DORIP1: variants seen among roughly 807,000 people sequenced by gnomAD.
The protein encoded by DORIP1 is dopamine receptor-interacting protein 1.
At chr14:44,904,924 G>C in the DORIP1 span, 2 of 172,148 alleles carry the variant, frequency 1.2e-5, no homozygotes, top group African/African-American at 4.7e-5. Flanking sequence ...CATAATACTG[G>C]ATAGTATAAT....
At chr14:44,902,832 T>G in the DORIP1 span, among the ~76,000 whole-genome samples, 1 of 152,338 alleles carries the variant, frequency 6.6e-6, no homozygotes, top group Non-Finnish European at 1.5e-5. Context: ...ATCAGGTACT[T>G]GAGGCCAAGA....
chr14:44,897,568 G>C, the DORIP1 span: 1 of 174,766 alleles, frequency 5.7e-6, no homozygotes, highest in African/African-American at 2.4e-5. Flanking sequence ...TCCCCAGGGA[G>C]GTACGAGGAG....
chr14:44,903,454 T>G, the DORIP1 span: 79 of 1,366,230 alleles, frequency 5.8e-5, 1 homozygote, highest in Non-Finnish European at 7.5e-5. Context: ...ACATAGAATA[T>G]GGTACTACAG....
chr14:44,901,422 G>C, the DORIP1 span, among the ~76,000 whole-genome samples: 2 of 152,194 alleles, frequency 1.3e-5, no homozygotes, highest in Non-Finnish European at 2.9e-5. Flanking sequence ...AGAAATGCAA[G>C]ATTCTTCTGC....
chr14:44,902,323 TTTTA>T, the DORIP1 span, among the ~76,000 whole-genome samples: 1 of 151,824 alleles, frequency 6.6e-6, no homozygotes, highest in South Asian at 2.1e-4. Context: ...CCAGCTAATG[TTTTA>T]TTTATTTTTT....
chr14:44,897,760 G>C, the DORIP1 span, among the ~76,000 whole-genome samples: 1 of 152,170 alleles, frequency 6.6e-6, no homozygotes, highest in Non-Finnish European at 1.5e-5. Context: ...CAGGCCTCCC[G>C]GGCGCGGCTG....
At chr14:44,898,247 A>G in the DORIP1 span, among the ~76,000 whole-genome samples, 39 of 152,018 alleles carry the variant, frequency 2.6e-4, no homozygotes, top group Non-Finnish European at 4.1e-4. Flanking sequence ...TTTTATTGCA[A>G]TTTACTTTGG....
the DORIP1 span, chr14:44,900,733 A>C: frequency 6.2e-7 from 1 of 1,614,124 alleles, no homozygotes; most frequent in Non-Finnish European, 8.5e-7. Flanking sequence ...GGACACCTAC[A>C]GTTTTACAAC....
chr14:44,904,392 T>C, the DORIP1 span: 1 of 1,609,792 alleles, frequency 6.2e-7, no homozygotes, highest in Non-Finnish European at 8.5e-7. Context: ...TTTTCTATTT[T>C]AGGTGTGGTG....
At chr14:44,903,314 A>C in the DORIP1 span, 1 of 1,595,218 alleles carries the variant, frequency 6.3e-7, no homozygotes, top group Admixed American at 1.7e-5. Context: ...TACAATAGAC[A>C]TTTAAAATGA....
At chr14:44,900,306 A>G in the DORIP1 span, 1 of 806,990 alleles carries the variant, frequency 1.2e-6, no homozygotes, top group Non-Finnish European at 1.7e-6. Flanking sequence ...TTTTTTTGCT[A>G]TGTTGGGAGG....
chr14:44,898,690 C>A, the DORIP1 span, among the ~76,000 whole-genome samples: 1 of 152,124 alleles, frequency 6.6e-6, no homozygotes, highest in African/African-American at 2.4e-5. Context: ...ATTTGCCACA[C>A]CCTCTTCTTC....
chr14:44,907,164 C>T, the DORIP1 span: 1 of 152,600 alleles, frequency 6.6e-6, no homozygotes, highest in Non-Finnish European at 1.5e-5. Context: ...TTACCTACCT[C>T]ACAGGGTTGT....
the DORIP1 span, chr14:44,904,203 A>G: frequency 2.0e-6 from 2 of 985,246 alleles, no homozygotes; most frequent in Non-Finnish European, 2.4e-6. Context: ...AGTGTAAGGA[A>G]CACAGCTTAT....
the DORIP1 span, among the ~76,000 whole-genome samples, chr14:44,900,135 ATTT>A: frequency 4.6e-5 from 7 of 151,770 alleles, no homozygotes; most frequent in Non-Finnish European, 1.0e-4. Context: ...CAGCCTCAGG[ATTT>A]TTTTTATTAC....
At chr14:44,906,521 T>C in the DORIP1 span, 34 of 152,696 alleles carry the variant, frequency 2.2e-4, no homozygotes, top group African/African-American at 8.2e-4. Flanking sequence ...TAGTGATTGA[T>C]AGCATGCGGC....
the DORIP1 span, chr14:44,900,563 C>T: frequency 6.2e-7 from 1 of 1,611,636 alleles, no homozygotes. Context: ...AAAGCAGTAT[C>T]CTGTACACCA....
the DORIP1 span, chr14:44,904,204 C>T: frequency 2.1e-5 from 21 of 985,294 alleles, no homozygotes; most frequent in Non-Finnish European, 2.5e-5. Context: ...GTGTAAGGAA[C>T]ACAGCTTATA....
At chr14:44,904,809 A>G in the DORIP1 span, 1 of 264,924 alleles carries the variant, frequency 3.8e-6, no homozygotes. Context: ...ACCAGTTTAC[A>G]TGTCAGTTTT....
Sources: gnomAD v4.1 joint callset for allele counts (sites outside exome capture counted in the v4.1 genomes callset) on GRCh38, gnomAD v4.1.1 for gene constraint, MANE v1.5 for transcripts, NCBI Gene and HGNC (gene_info 2026-07-23, HGNC 2026-07-21) for gene names.